The following SCHIP1 variants were observed in gnomAD, a reference collection of about 807,000 sequenced individuals.
SCHIP1 encodes the protein schwannomin interacting protein 1, also known as schwannomin-interacting protein 1.
SCHIP1 carries 8 observed loss-of-function variants against 29.7 expected under a neutral mutation model. The observed-to-expected ratio is 0.27, with a 90% CI of 0.16 to 0.49. The LOEUF (loss-of-function observed/expected upper bound fraction) is 0.49, where lower values mean the gene tolerates loss of function less well. SCHIP1 is among the 20% of genes least tolerant of loss of function. SCHIP1 has a pLI of 0.99. For synonymous variants in SCHIP1, 76 were observed against 94.9 expected (o/e 0.80, Z 1.16); for missense variants, 193 against 294.6 (o/e 0.66, Z 2.52).
chr3:159,507,074 C>T, the SCHIP1 span, among the ~76,000 whole-genome samples: 10 of 152,144 alleles, frequency 6.6e-5, no homozygotes, highest in Admixed American at 3.9e-4. Context: ...GCCATTTTCA[C>T]GATATTGATT....
the SCHIP1 span, among the ~76,000 whole-genome samples, chr3:159,743,025 A>G: frequency 6.6e-6 from 1 of 152,036 alleles, no homozygotes; most frequent in Non-Finnish European, 1.5e-5. Context: ...ATTCAAGTGC[A>G]TTCCTCCTAA....
the SCHIP1 span, among the ~76,000 whole-genome samples, chr3:159,544,174 A>T: frequency 4.3e-3 from 656 of 152,164 alleles, 9 homozygotes; most frequent in Admixed American, 0.022. Flanking sequence ...ATATACATAC[A>T]TATATATAAA....
At chr3:159,881,910 C>A (rs980621104) in intron 2 of SCHIP1, among the ~76,000 whole-genome samples, 1 of 152,196 alleles carries the variant, frequency 6.6e-6, no homozygotes, top group Non-Finnish European at 1.5e-5. Flanking sequence ...TCTAGGGCTT[C>A]AGTTGAGACA....
the SCHIP1 span, among the ~76,000 whole-genome samples, chr3:159,323,313 A>C: frequency 6.6e-6 from 1 of 152,218 alleles, no homozygotes; most frequent in Non-Finnish European, 1.5e-5. Flanking sequence ...AATTTTGCAT[A>C]CTAGTTTTAT....
chr3:159,522,815 G>T, the SCHIP1 span, among the ~76,000 whole-genome samples: 1 of 152,214 alleles, frequency 6.6e-6, no homozygotes, highest in African/African-American at 2.4e-5. Context: ...CTTGCAGTGA[G>T]CCAAGATCCT....
chr3:159,526,972 TC>T, the SCHIP1 span, among the ~76,000 whole-genome samples: 7 of 152,192 alleles, frequency 4.6e-5, no homozygotes, highest in African/African-American at 9.6e-5. Context: ...TCTTAAACTA[TC>T]TTAATCATCT....
the SCHIP1 span, among the ~76,000 whole-genome samples, chr3:159,503,865 G>GGCACCT: frequency 6.6e-6 from 1 of 152,152 alleles, no homozygotes; most frequent in Non-Finnish European, 1.5e-5. Flanking sequence ...AGGAATCATA[G>GGCACCT]ATAAAAGGGG....
At chr3:159,580,576 C>T in the SCHIP1 span, among the ~76,000 whole-genome samples, 1 of 152,198 alleles carries the variant, frequency 6.6e-6, no homozygotes, top group South Asian at 2.1e-4. Flanking sequence ...CAGAATTTCC[C>T]ACAAATGGTA....
chr3:159,811,040 C>T, the SCHIP1 span, among the ~76,000 whole-genome samples: 7 of 152,256 alleles, frequency 4.6e-5, no homozygotes, highest in East Asian at 1.3e-3. Flanking sequence ...TTTTAATTTT[C>T]ATTTACCTCA....
chr3:159,353,855 T>C, the SCHIP1 span, among the ~76,000 whole-genome samples: 1 of 152,222 alleles, frequency 6.6e-6, no homozygotes, highest in South Asian at 2.1e-4. Context: ...TTTGGTCCAG[T>C]TGAAATGCAA....
chr3:159,892,208 C>T lies in SCHIP1; in HGVS notation c.683+18C>T, dbSNP rs1560099488. The T allele has an allele frequency of 6.2e-7, 1 of 1,613,924 alleles. No individual in the cohort carries two copies. Among genetic ancestry groups the T allele is most frequent in the South Asian group, 1.1e-5 (1 of 90,982 alleles). On this transcript the variant is annotated intron_variant, in intron 6 of 6. Transcript: ENST00000445224. ...TTGACCAGGTCAGTGTGGCTTCACT[C>T]TTGCCAAAGAAGAAAAGCCCAGGGT...
chr3:159,588,326 T>G, the SCHIP1 span, among the ~76,000 whole-genome samples: 15 of 152,254 alleles, frequency 9.9e-5, no homozygotes, highest in African/African-American at 3.6e-4. Flanking sequence ...GTTTTTTTTC[T>G]TGTAAATTTA....
the SCHIP1 span, among the ~76,000 whole-genome samples, chr3:159,322,620 A>G: frequency 6.6e-6 from 1 of 152,204 alleles, no homozygotes; most frequent in African/African-American, 2.4e-5. Context: ...CTTAGAAAGG[A>G]ATATCACTAG....
At chr3:159,396,623 T>G in the SCHIP1 span, among the ~76,000 whole-genome samples, 2 of 152,126 alleles carry the variant, frequency 1.3e-5, no homozygotes, top group African/African-American at 2.4e-5. Context: ...GAAAATTCTT[T>G]TCTTTAAGAA....
the SCHIP1 span, among the ~76,000 whole-genome samples, chr3:159,440,151 A>G: frequency 1.3e-5 from 2 of 152,160 alleles, no homozygotes; most frequent in Non-Finnish European, 2.9e-5. Flanking sequence ...CCATTTATTA[A>G]ACAGGGAATC....
At chr3:159,820,991 T>TG in the SCHIP1 span, among the ~76,000 whole-genome samples, 1 of 152,236 alleles carries the variant, frequency 6.6e-6, no homozygotes, top group African/African-American at 2.4e-5. Flanking sequence ...CTAGTGCAAC[T>TG]GGGAAACTGA....
chr3:159,491,469 G>C, the SCHIP1 span, among the ~76,000 whole-genome samples: 1 of 152,220 alleles, frequency 6.6e-6, no homozygotes, highest in African/African-American at 2.4e-5. Context: ...CCAGCACCTG[G>C]CTTGGAGGGT....
At chr3:159,836,283 A>T (rs1454962840), upstream of SCHIP1, among the ~76,000 whole-genome samples, 1 of 152,208 alleles carries the variant, frequency 6.6e-6, no homozygotes, top group Non-Finnish European at 1.5e-5. Flanking sequence ...TGATTTATAG[A>T]TGGCAATGGC....
At chr3:159,621,148 G>A in the SCHIP1 span, among the ~76,000 whole-genome samples, 1 of 152,184 alleles carries the variant, frequency 6.6e-6, no homozygotes, top group Non-Finnish European at 1.5e-5. Flanking sequence ...TCACTGTCAG[G>A]TGTGCTCCCG....
Sources: allele counts gnomAD v4.1 joint callset (sites outside exome capture counted in the v4.1 genomes callset), GRCh38; gene constraint gnomAD v4.1.1; transcripts MANE v1.5; gene names NCBI Gene and HGNC (gene_info 2026-07-23, HGNC 2026-07-21).